Variants in TMEM63C observed in about 807,000 individuals in gnomAD.
The protein encoded by TMEM63C is osmosensitive cation channel TMEM63C.
In TMEM63C, 32 loss-of-function variants were observed where a neutral mutation model predicts 99.2. The ratio of observed to expected loss-of-function variants is 0.32; its 90% confidence interval spans 0.24 to 0.43. TMEM63C has a LOEUF of 0.43. Ranked by LOEUF, TMEM63C falls within the 20% of genes least tolerant of loss-of-function variation. The probability of loss-of-function intolerance (pLI) is 1.00; values close to 1 mark genes in which losing one functional copy is unlikely to be tolerated. For missense variants in TMEM63C, 826 were observed against 1,053.0 expected, an observed-to-expected ratio of 0.78 and a Z score of 2.98; for synonymous variants, 376 against 397.9, an observed-to-expected ratio of 0.94 and a Z score of 0.66.
intron 1 of TMEM63C, among the ~76,000 whole-genome samples, chr14:77,183,681 T>G (rs1887949935): frequency 6.6e-6 from 1 of 152,188 alleles, no homozygotes; most frequent in African/African-American, 2.4e-5. Flanking sequence ...GCTCATGAAT[T>G]GCTCCTTTTC....
At chr14:77,208,391 C>T (rs757973368) in intron 1 of TMEM63C, among the ~76,000 whole-genome samples, 11 of 152,200 alleles carry the variant, frequency 7.2e-5, no homozygotes, top group Non-Finnish European at 1.5e-4. Context: ...ACACCACCCC[C>T]TCCCTGGGAG....
chr14:77,239,458 G>A lies in TMEM63C; in HGVS notation c.772G>A (p.Asp258Asn), dbSNP rs749466106. The A allele has an allele frequency of 2.7e-5, 44 of 1,613,558 alleles. No individual in the cohort carries two copies. The highest frequency in any genetic ancestry group is 1.1e-4 in the East Asian group (5 of 44,880). Residue 258 changes from aspartate to asparagine, a missense_variant, in exon 11 of 24, where the codon GAC becomes AAC. Asp to Asn is a conservative substitution (Grantham distance 23, BLOSUM62 1). Coordinates refer to ENST00000298351, the MANE Select transcript of TMEM63C (RefSeq NM_020431.4). Reference protein sequence around the residue: ...SVVTRVHFCYDVRNLIDLDDQ... With the variant: ...SVVTRVHFCYNVRNLIDLDDQ... ...CGTGACAAGAGTCCACTTCTGCTAC[G>A]ACGTCAGGAACCTGATCGACTTGGA...
At chr14:77,250,162 A>G (rs1348302335) in intron 21 of TMEM63C, among the ~76,000 whole-genome samples, 1 of 152,170 alleles carries the variant, frequency 6.6e-6, no homozygotes, top group Non-Finnish European at 1.5e-5. Context: ...ATGGGTTGCC[A>G]AAAAACCTGG....
intron 2 of TMEM63C, among the ~76,000 whole-genome samples, chr14:77,215,614 A>AGAAAAGAAAAGAAAAGAAAAG (rs1555347249): frequency 3.3e-4 from 25 of 76,526 alleles, no homozygotes; most frequent in East Asian, 2.7e-3. Flanking sequence ...AAAAAAAAAA[A>AGAAAAGAAAAGAAAAGAAAAG]AAAAGAAAAG....
intron 2 of TMEM63C, among the ~76,000 whole-genome samples, chr14:77,216,513 A>G (rs1888589122): frequency 6.6e-6 from 1 of 151,998 alleles, no homozygotes; most frequent in African/African-American, 2.4e-5. Flanking sequence ...CCCACTTAGC[A>G]TGTTCCAAAC....
rs887895665 is a variant in TMEM63C, at chr14:77,256,749, G to A, written c.*23G>A. The A allele has an allele frequency of 1.9e-6, 3 of 1,610,524 alleles. No individual in the cohort carries two copies. Reference sequence around the variant, plus strand: ...TGACCGGGACCTGAGGCCTCCACTGGCGACTTGTTGAGGGGTCAGGGGAGG... The same window carrying A: ...TGACCGGGACCTGAGGCCTCCACTGACGACTTGTTGAGGGGTCAGGGGAGG... On this transcript the variant is annotated 3_prime_UTR_variant, in exon 24 of 24. Coordinates refer to ENST00000298351, the MANE Select transcript of TMEM63C (RefSeq NM_020431.4).
At chr14:77,255,634 A>G (rs1257521641) in intron 23 of TMEM63C, among the ~76,000 whole-genome samples, 1 of 152,268 alleles carries the variant, frequency 6.6e-6, no homozygotes, top group Non-Finnish European at 1.5e-5. Context: ...ACATGGGGCT[A>G]GAACACATTA....
chr14:77,244,809 G>A (rs548644240), intron 16 of TMEM63C, among the ~76,000 whole-genome samples: 2 of 152,248 alleles, frequency 1.3e-5, no homozygotes, highest in African/African-American at 4.8e-5. Context: ...AGAAGGCACA[G>A]GAGGAAAGAC....
intron 1 of TMEM63C, among the ~76,000 whole-genome samples, chr14:77,198,003 G>A (rs111244834): frequency 8.1e-4 from 124 of 152,334 alleles, no homozygotes; most frequent in African/African-American, 1.1e-3. Context: ...CAAGGCTAGG[G>A]TTGGTTTCCC....
intron 1 of TMEM63C, among the ~76,000 whole-genome samples, chr14:77,185,712 G>T (rs1364749769): frequency 2.0e-5 from 3 of 152,164 alleles, no homozygotes; most frequent in African/African-American, 7.2e-5. Context: ...TGCTTTGATG[G>T]GGGACATGGA....
chr14:77,217,830 G>A (rs1888614308), intron 2 of TMEM63C, among the ~76,000 whole-genome samples: 1 of 152,180 alleles, frequency 6.6e-6, no homozygotes, highest in Non-Finnish European at 1.5e-5. Context: ...TTCTAAGCCA[G>A]GCATAGAAAT....
chr14:77,220,205 A>T, intron 5 of TMEM63C, 118 bp downstream of exon 5: 1 of 949,414 alleles, frequency 1.1e-6, no homozygotes, highest in Admixed American at 2.1e-5. Flanking sequence ...AGCCTCAACC[A>T]CTCTGGCAGT....
chr14:77,234,472 C>T (rs1889001463), intron 8 of TMEM63C, among the ~76,000 whole-genome samples: 1 of 152,184 alleles, frequency 6.6e-6, no homozygotes, highest in Non-Finnish European at 1.5e-5. Context: ...AAAGTGAATT[C>T]TAGTAGAACA....
rs530349301 is a variant in TMEM63C, at chr14:77,257,748, A to C, written c.*1022A>C. On this transcript the variant is annotated 3_prime_UTR_variant, in exon 24 of 24. Coordinates refer to ENST00000298351, the MANE Select transcript of TMEM63C (RefSeq NM_020431.4). ...GGTAAGAACCCCATGCTTCAAACTT[A>C]AGGACTGACCATCACCTGCGTCCCA... 7.2e-5 allele frequency: 11 copies of C among 152,272 alleles called. No individual in the cohort carries two copies. The highest frequency in any genetic ancestry group is 2.6e-4 in the African/African-American group (11 of 41,544). The allele number at this position is 152,272 out of a possible 1,614,324, so 9.4% of individuals were successfully genotyped here. A position where few individuals can be genotyped will look rare whatever the true frequency, so the allele number is the denominator to read the frequency against.
intron 1 of TMEM63C, among the ~76,000 whole-genome samples, chr14:77,191,146 C>T (rs182700674): frequency 8.8e-4 from 134 of 152,252 alleles, no homozygotes; most frequent in African/African-American, 3.1e-3. Flanking sequence ...ATAACCAGTA[C>T]TAAGTCTAAC....
At chr14:77,189,123 T>C (rs1888056225) in intron 1 of TMEM63C, among the ~76,000 whole-genome samples, 1 of 152,046 alleles carries the variant, frequency 6.6e-6, no homozygotes, top group Non-Finnish European at 1.5e-5. Context: ...TTTCTTTTTT[T>C]TTTTGAGACA....
chr14:77,186,999 T>C (rs1351619564), intron 1 of TMEM63C, among the ~76,000 whole-genome samples: 1 of 152,218 alleles, frequency 6.6e-6, no homozygotes, highest in African/African-American at 2.4e-5. Context: ...TAAGCCTGGC[T>C]TGAGGCCCTG....
At chr14:77,241,529 G>T (rs1464374511) in intron 13 of TMEM63C, among the ~76,000 whole-genome samples, 1 of 152,090 alleles carries the variant, frequency 6.6e-6, no homozygotes, top group African/African-American at 2.4e-5. Flanking sequence ...TCTGGGGGAG[G>T]CTGATCCTGT....
intron 1 of TMEM63C, among the ~76,000 whole-genome samples, chr14:77,201,610 C>CTA (rs1298068785): frequency 6.6e-6 from 1 of 152,214 alleles, no homozygotes; most frequent in Non-Finnish European, 1.5e-5. Flanking sequence ...TTCTCAGGCG[C>CTA]TACCCAAGAC....
Sources: gnomAD v4.1 joint callset for allele counts (sites outside exome capture counted in the v4.1 genomes callset) on GRCh38, gnomAD v4.1.1 for gene constraint, MANE v1.5 for transcripts, NCBI Gene and HGNC (gene_info 2026-07-23, HGNC 2026-07-21) for gene names.